STARD13: variants seen among roughly 807,000 people sequenced by gnomAD.
The protein encoded by STARD13 is StAR related lipid transfer domain containing 13, also known as stAR-related lipid transfer protein 13.
STARD13 carries 62 observed loss-of-function variants against 106.4 expected under a neutral mutation model. That is an observed-to-expected ratio of 0.58 (90% CI 0.48 to 0.72). The LOEUF (loss-of-function observed/expected upper bound fraction) is 0.72, where lower values mean the gene tolerates loss of function less well. Ranked by LOEUF, STARD13 falls within the 30% of genes least tolerant of loss-of-function variation. STARD13 has a pLI of 0.00. For missense variants in STARD13, 1,387 were observed against 1,424.0 expected (o/e 0.97, Z 0.42); for synonymous variants, 565 against 553.0 (o/e 1.02, Z -0.31).
At chr13:33,384,614 A>C in the STARD13 span, among the ~76,000 whole-genome samples, 3 of 152,230 alleles carry the variant, frequency 2.0e-5, no homozygotes, top group Non-Finnish European at 4.4e-5. Context: ...AGAATATACT[A>C]ATTTGAATTG....
the STARD13 span, among the ~76,000 whole-genome samples, chr13:33,538,683 G>T: frequency 6.7e-6 from 1 of 150,198 alleles, no homozygotes; most frequent in African/African-American, 2.5e-5. Context: ...AAGAATTTCT[G>T]GGCATACCAG....
At chr13:33,441,082 A>G in the STARD13 span, among the ~76,000 whole-genome samples, 1 of 151,960 alleles carries the variant, frequency 6.6e-6, no homozygotes, top group African/African-American at 2.4e-5. Context: ...GTCTTGGTGA[A>G]TGGTGTTTCC....
At chr13:33,661,334 G>A in the STARD13 span, 2 of 152,202 alleles carry the variant, frequency 1.3e-5, no homozygotes, top group Non-Finnish European at 2.9e-5. Flanking sequence ...TACCGTCCCA[G>A]GTGGTTAACC....
chr13:33,202,650 A>G (rs1887125289), intron 1 of STARD13, among the ~76,000 whole-genome samples: 1 of 152,252 alleles, frequency 6.6e-6, no homozygotes, highest in African/African-American at 2.4e-5. Context: ...TAGCTCTGTG[A>G]AAGAATGGTG....
the STARD13 span, among the ~76,000 whole-genome samples, chr13:33,444,266 A>T: frequency 4.5e-3 from 684 of 152,248 alleles, 7 homozygotes; most frequent in African/African-American, 0.014. Flanking sequence ...AGTGGTCTAT[A>T]TTGGAGATCC....
intron 1 of STARD13, among the ~76,000 whole-genome samples, chr13:33,176,703 C>T (rs1431634754): frequency 6.6e-6 from 1 of 152,036 alleles, no homozygotes; most frequent in Non-Finnish European, 1.5e-5. Context: ...AACTTAATTC[C>T]TATGCTGCAA....
chr13:33,300,317 G>T (rs867807175), intron 1 of STARD13, among the ~76,000 whole-genome samples: 1 of 152,154 alleles, frequency 6.6e-6, no homozygotes, highest in Non-Finnish European at 1.5e-5. Context: ...ATATGGGTGA[G>T]AACTTTGAAG....
At chr13:33,352,449 G>T (rs1467566633), upstream of STARD13, among the ~76,000 whole-genome samples, 1 of 152,216 alleles carries the variant, frequency 6.6e-6, no homozygotes, top group Non-Finnish European at 1.5e-5. Context: ...AGCTATTTCA[G>T]TGATCATTTA....
intron 2 of STARD13, among the ~76,000 whole-genome samples, chr13:33,166,340 C>T (rs1883310660): frequency 2.0e-5 from 3 of 152,064 alleles, no homozygotes; most frequent in Non-Finnish European, 2.9e-5. Context: ...GGAAGGCTGC[C>T]TCTTGCCAGC....
intron 1 of STARD13, chr13:33,349,266 C>T (rs776320097): frequency 2.7e-5 from 19 of 701,054 alleles, no homozygotes; most frequent in Non-Finnish European, 4.7e-5. Flanking sequence ...CTCAGGGTCA[C>T]CTCAGGGGCC....
At chr13:33,106,499 C>T (rs1335032416) in intron 13 of STARD13, among the ~76,000 whole-genome samples, 1 of 152,070 alleles carries the variant, frequency 6.6e-6, no homozygotes, top group Non-Finnish European at 1.5e-5. Context: ...GTGTGTGTTT[C>T]ATGGGAGAAA....
chr13:33,350,437 C>G (rs1231423895), exon 1 of STARD13: 1 of 1,521,772 alleles, frequency 6.6e-7, no homozygotes, highest in Non-Finnish European at 8.8e-7. Flanking sequence ...TCATAACGAC[C>G]GGCGGGCTCT....
At chr13:33,328,806 T>TAAC (rs2077804790) in intron 1 of STARD13, among the ~76,000 whole-genome samples, 1 of 152,224 alleles carries the variant, frequency 6.6e-6, no homozygotes, top group African/African-American at 2.4e-5. Context: ...CTGGGTTCTC[T>TAAC]AACAGTTCAC....
At chr13:33,208,821 G>A (rs1887558108) in intron 1 of STARD13, among the ~76,000 whole-genome samples, 1 of 152,162 alleles carries the variant, frequency 6.6e-6, no homozygotes, top group South Asian at 2.1e-4. Context: ...ATTTTTCCTG[G>A]AGGTATTTGC....
intron 3 of STARD13, among the ~76,000 whole-genome samples, chr13:33,149,282 G>A (rs79332353): frequency 0.039 from 5,918 of 152,142 alleles, 400 homozygotes; most frequent in African/African-American, 0.13. Flanking sequence ...GTGAGTGGGC[G>A]GGGGGCTGTG....
the STARD13 span, among the ~76,000 whole-genome samples, chr13:33,476,271 C>T: frequency 2.0e-5 from 3 of 152,048 alleles, no homozygotes; most frequent in African/African-American, 4.8e-5. Flanking sequence ...TCTTTGATCC[C>T]AAACATTTTA....
At chr13:33,109,277 T>C (rs1159343210) in intron 12 of STARD13, among the ~76,000 whole-genome samples, 1 of 152,154 alleles carries the variant, frequency 6.6e-6, no homozygotes, top group Non-Finnish European at 1.5e-5. Context: ...TGGTTGAGCA[T>C]CCCCTTCCAA....
the STARD13 span, among the ~76,000 whole-genome samples, chr13:33,666,597 T>C: frequency 1.3e-5 from 2 of 150,638 alleles, no homozygotes; most frequent in Non-Finnish European, 3.0e-5. Flanking sequence ...ACCCAGCCTA[T>C]TTATTTTTTA....
chr13:33,342,731 C>G (rs916233856), intron 1 of STARD13, among the ~76,000 whole-genome samples: 5 of 152,088 alleles, frequency 3.3e-5, no homozygotes, highest in Non-Finnish European at 7.4e-5. Flanking sequence ...GTTCTAGGAC[C>G]AAATTTGTAA....
Sources: gnomAD v4.1 joint callset for allele counts (sites outside exome capture counted in the v4.1 genomes callset) on GRCh38, gnomAD v4.1.1 for gene constraint, MANE v1.5 for transcripts, NCBI Gene and HGNC (gene_info 2026-07-23, HGNC 2026-07-21) for gene names.